Variants in THSD4 observed in about 807,000 individuals in gnomAD.
The protein encoded by THSD4 is thrombospondin type 1 domain containing 4.
A neutral mutation model predicts 119.0 loss-of-function variants in THSD4; 69 were observed. That is an observed-to-expected ratio of 0.58 (90% CI 0.48 to 0.71). THSD4 has a LOEUF of 0.71. Ranked by LOEUF, THSD4 falls within the 30% of genes least tolerant of loss-of-function variation. The pLI is 0.00. For synonymous variants in THSD4, 524 were observed against 540.4 expected, an observed-to-expected ratio of 0.97 and a Z score of 0.42; for missense variants, 1,393 against 1,391.1, an observed-to-expected ratio of 1.00 and a Z score of -0.02.
chr15:71,683,252 G>T (rs1433307098), intron 8 of THSD4, among the ~76,000 whole-genome samples: 1 of 151,664 alleles, frequency 6.6e-6, no homozygotes, highest in Non-Finnish European at 1.5e-5. Flanking sequence ...TTTTCAGACA[G>T]TCTAGCATTA....
intron 8 of THSD4, among the ~76,000 whole-genome samples, chr15:71,695,090 A>G (rs959501786): frequency 1.3e-5 from 2 of 152,220 alleles, no homozygotes; most frequent in Non-Finnish European, 2.9e-5. Context: ...TTAATGAGCT[A>G]TTACAAGGGG....
chr15:71,459,929 T>C (rs2047404143), intron 7 of THSD4, among the ~76,000 whole-genome samples: 3 of 152,182 alleles, frequency 2.0e-5, no homozygotes, highest in Non-Finnish European at 4.4e-5. Flanking sequence ...ACAGCCCGGA[T>C]CTACTTCTCT....
At chr15:71,483,492 G>A (rs2047765625) in intron 7 of THSD4, among the ~76,000 whole-genome samples, 1 of 152,162 alleles carries the variant, frequency 6.6e-6, no homozygotes, top group Non-Finnish European at 1.5e-5. Context: ...GCTGTCTCAT[G>A]AGAAGAGCAT....
At chr15:71,107,319 T>C (rs954933306) in intron 1 of THSD4, among the ~76,000 whole-genome samples, 14 of 150,444 alleles carry the variant, frequency 9.3e-5, no homozygotes, top group African/African-American at 3.2e-4. Flanking sequence ...CAATTACCTG[T>C]TTTTAGAAGG....
intron 7 of THSD4, among the ~76,000 whole-genome samples, chr15:71,434,461 T>A (rs72743824): frequency 0.018 from 1,306 of 74,314 alleles, 30 homozygotes; most frequent in African/African-American, 0.041. Context: ...TTTTTTTTTT[T>A]TAATTTCTGA....
chr15:71,525,590 T>C (rs2048506803), intron 7 of THSD4, among the ~76,000 whole-genome samples: 1 of 152,230 alleles, frequency 6.6e-6, no homozygotes, highest in African/African-American at 2.4e-5. Context: ...GCAAATGTTT[T>C]ATGTATTAGG....
At chr15:71,373,646 G>A (rs919507544) in intron 6 of THSD4, among the ~76,000 whole-genome samples, 11 of 152,132 alleles carry the variant, frequency 7.2e-5, no homozygotes, top group Admixed American at 1.3e-4. Context: ...CAGGAAACTC[G>A]AGTTCTTGGC....
chr15:71,627,233 A>G (rs1479037019), intron 7 of THSD4, among the ~76,000 whole-genome samples: 2 of 152,230 alleles, frequency 1.3e-5, no homozygotes, highest in East Asian at 1.9e-4. Flanking sequence ...AGTGTGTTCT[A>G]TTCATCCATC....
chr15:71,541,947 G>T (rs1199683473), intron 7 of THSD4, among the ~76,000 whole-genome samples: 1 of 152,206 alleles, frequency 6.6e-6, no homozygotes, highest in Non-Finnish European at 1.5e-5. Flanking sequence ...GGCTGGAAGG[G>T]CAGGAAGAGA....
At chr15:71,208,039 CA>C (rs1307944058) in intron 3 of THSD4, among the ~76,000 whole-genome samples, 3 of 152,178 alleles carry the variant, frequency 2.0e-5, no homozygotes, top group Non-Finnish European at 4.4e-5. Context: ...ACAGCAAGTT[CA>C]AAGGAGCTGC....
intron 8 of THSD4, among the ~76,000 whole-genome samples, chr15:71,694,111 G>A (rs1233348377): frequency 6.6e-6 from 1 of 152,158 alleles, no homozygotes; most frequent in Non-Finnish European, 1.5e-5. Context: ...GATGAAGGTG[G>A]ACCCTTTGGT....
intron 6 of THSD4, among the ~76,000 whole-genome samples, chr15:71,389,181 T>C (rs928382939): frequency 6.6e-6 from 1 of 152,192 alleles, no homozygotes; most frequent in Admixed American, 6.5e-5. Context: ...CATTTTTAAG[T>C]GTACAGTAGT....
chr15:71,272,232 C>A (rs1246132861), intron 6 of THSD4, among the ~76,000 whole-genome samples: 2 of 151,502 alleles, frequency 1.3e-5, no homozygotes, highest in Non-Finnish European at 2.9e-5. Flanking sequence ...GAATCCCTGT[C>A]TCTAGTAAAA....
intron 7 of THSD4, among the ~76,000 whole-genome samples, chr15:71,608,738 C>T (rs1189129843): frequency 1.3e-5 from 2 of 152,172 alleles, no homozygotes; most frequent in African/African-American, 4.8e-5. Context: ...CTACTGCCAG[C>T]ATCTCACCTC....
At chr15:71,596,438 A>T (rs1053483490) in intron 7 of THSD4, among the ~76,000 whole-genome samples, 2 of 152,212 alleles carry the variant, frequency 1.3e-5, no homozygotes, top group Admixed American at 6.5e-5. Context: ...TAAATGCATC[A>T]GTGCCTCATC....
chr15:71,346,394 A>G lies in THSD4; in HGVS notation c.1016-65293A>G, dbSNP rs902403140. 5.9e-5 allele frequency among the ~76,000 whole-genome samples: 9 copies of G among 152,238 alleles called. 1 individual carries two copies. Among genetic ancestry groups the G allele is most frequent in the Non-Finnish European group, 1.3e-4 (9 of 68,050 alleles). On this transcript the variant is annotated intron_variant, in intron 6 of 17. Coordinates refer to ENST00000261862, the MANE Select transcript of THSD4 (RefSeq NM_024817.3). Reference sequence around the variant, plus strand: ...CATTTATTGGTGTCAGCATGGACACATGGATTTCCCTTCTACTCAATGGGT... The same window carrying G: ...CATTTATTGGTGTCAGCATGGACACGTGGATTTCCCTTCTACTCAATGGGT...
chr15:71,748,391 T>C, intron 13 of THSD4, 30 bp from the exon 14 acceptor site: 1 of 1,611,768 alleles, frequency 6.2e-7, no homozygotes, highest in Non-Finnish European at 8.5e-7. Flanking sequence ...AAGCTGCTGG[T>C]TCCCCTGACG....
At chr15:71,505,761 G>A (rs557345780) in intron 7 of THSD4, among the ~76,000 whole-genome samples, 85 of 152,198 alleles carry the variant, frequency 5.6e-4, no homozygotes, top group Non-Finnish European at 1.1e-3. Context: ...GGAAAGTCCT[G>A]TAATTTGGAA....
chr15:71,360,131 G>A (rs1412621030), intron 6 of THSD4, among the ~76,000 whole-genome samples: 2 of 152,112 alleles, frequency 1.3e-5, no homozygotes, highest in Non-Finnish European at 2.9e-5. Flanking sequence ...CACTTATCTG[G>A]CACGTGGGGA....
Sources: gnomAD v4.1 joint callset for allele counts (sites outside exome capture counted in the v4.1 genomes callset) on GRCh38, gnomAD v4.1.1 for gene constraint, MANE v1.5 for transcripts, NCBI Gene and HGNC (gene_info 2026-07-23, HGNC 2026-07-21) for gene names.